Variants in DMD observed in about 807,000 individuals in gnomAD.
The protein encoded by DMD is mutant dystrophin.
DMD carries 63 observed loss-of-function variants against 330.1 expected under a neutral mutation model. The ratio of observed to expected loss-of-function variants is 0.19; its 90% CI spans 0.16 to 0.24. The LOEUF (loss-of-function observed/expected upper bound fraction) is 0.24, where lower values mean the gene tolerates loss of function less well. Among genes scored for constraint, DMD ranks in the 10% least tolerant of loss-of-function variants. DMD has a pLI of 1.00. For synonymous variants in DMD, 1,223 were observed against 959.8 expected, an observed-to-expected ratio of 1.27 and a Z score of -5.07; for missense variants, 3,344 against 2,684.1, an observed-to-expected ratio of 1.25 and a Z score of -5.43.
intron 11 of DMD, among the ~76,000 whole-genome samples, chrX:32,625,271 G>A (rs770270769): frequency 2.2e-3 from 251 of 112,097 alleles, no homozygotes; most frequent in Non-Finnish European, 3.7e-3. Flanking sequence ...TGCACTATAG[G>A]TATACATATA....
chrX:31,251,013 C>T (rs1429963377), intron 63 of DMD, among the ~76,000 whole-genome samples: 1 of 109,144 alleles, frequency 9.2e-6, no homozygotes, highest in East Asian at 2.9e-4. Flanking sequence ...ACCCGGGAGG[C>T]AGAGTTTGCA....
chrX:31,337,031 C>T (rs1285209297), intron 61 of DMD, among the ~76,000 whole-genome samples: 1 of 107,537 alleles, frequency 9.3e-6, no homozygotes, highest in East Asian at 2.9e-4. Context: ...TCAAGCGATT[C>T]TCCTGCCTCA....
chrX:33,106,520 C>G (rs1418554019), intron 1 of DMD, among the ~76,000 whole-genome samples: 1 of 112,176 alleles, frequency 8.9e-6, no homozygotes, highest in Non-Finnish European at 1.9e-5. Context: ...ACATTAAGGG[C>G]ATATTGAATA....
intron 60 of DMD, among the ~76,000 whole-genome samples, chrX:31,428,510 T>C (rs2063836680): frequency 9.0e-6 from 1 of 111,689 alleles, no homozygotes; most frequent in South Asian, 3.8e-4. Flanking sequence ...GTGATGCAAA[T>C]GGAATTAACA....
intron 9 of DMD, 23 bp from the exon 10 acceptor site, chrX:32,645,175 T>G (rs201740195): frequency 8.3e-7 from 1 of 1,197,918 alleles, no homozygotes; most frequent in African/African-American, 1.8e-5. Flanking sequence ...ATAAATTGGG[T>G]GTTACACAAT....
At chrX:31,214,557 T>C (rs1202593562) in intron 64 of DMD, among the ~76,000 whole-genome samples, 1 of 112,022 alleles carries the variant, frequency 8.9e-6, no homozygotes, top group Non-Finnish European at 1.9e-5. Flanking sequence ...CGGCCTACAG[T>C]TGGGCAAAAC....
chrX:32,741,031 A>G (rs1467025531), intron 7 of DMD, among the ~76,000 whole-genome samples: 2 of 111,769 alleles, frequency 1.8e-5, no homozygotes, highest in African/African-American at 6.5e-5. Context: ...ACGTTTGTTT[A>G]AACAAGTTAG....
chrX:32,658,556 G>C (rs67268158), intron 9 of DMD, among the ~76,000 whole-genome samples: 11,378 of 110,786 alleles, frequency 0.1, 1,399 homozygotes, highest in African/African-American at 0.35. Context: ...TCAGGCCATA[G>C]ATTGCTATCT....
At chrX:31,848,038 T>C (rs1214645781) in intron 48 of DMD, among the ~76,000 whole-genome samples, 1 of 111,825 alleles carries the variant, frequency 8.9e-6, no homozygotes. Flanking sequence ...CTGTTGTGTA[T>C]ACTGTGTGTG....
At chrX:32,779,648 T>C (rs1349089589) in intron 7 of DMD, among the ~76,000 whole-genome samples, 1 of 98,606 alleles carries the variant, frequency 1.0e-5, no homozygotes, top group Non-Finnish European at 2.0e-5. Flanking sequence ...GCTTCATCCA[T>C]GTCCCTACAA....
chrX:31,435,477 C>T (rs2064449497), intron 60 of DMD: 1 of 111,661 alleles, frequency 9.0e-6, no homozygotes, highest in African/African-American at 3.2e-5. Context: ...ATATTAAGGA[C>T]ATTATAGCAT....
At position 31,968,526 on chromosome X, in the gene DMD, C is replaced by G; in HGVS notation, c.6439-12G>C. On this transcript the variant is annotated splice_polypyrimidine_tract_variant and intron_variant, in intron 44 of 78. Coordinates refer to ENST00000357033, the MANE Select transcript of DMD (RefSeq NM_004006.3). ...CCATCCTGGAGTTCCTGTAAGATAC[C>G]AAAAAGGCAAAACAAAAATGAAGCC... is the stretch of plus-strand genomic sequence containing the variant. The G allele has an allele frequency of 8.3e-7, 1 of 1,207,104 alleles. No individual in the cohort carries two copies. The highest frequency in any genetic ancestry group is 1.1e-6 in the Non-Finnish European group (1 of 892,316).
chrX:33,056,243 C>T (rs1232355071), intron 1 of DMD, among the ~76,000 whole-genome samples: 1 of 111,073 alleles, frequency 9.0e-6, no homozygotes, highest in African/African-American at 3.3e-5. Flanking sequence ...CATCAAAGTC[C>T]GCTGGATTCC....
At chrX:31,187,664 A>C (rs6631261) in intron 67 of DMD, among the ~76,000 whole-genome samples, 5,570 of 107,532 alleles carry the variant, frequency 0.052, 176 homozygotes, top group East Asian at 0.17. Flanking sequence ...AAAAGCTGAG[A>C]AGGTCATCAG....
intron 57 of DMD, among the ~76,000 whole-genome samples, chrX:31,493,196 T>C (rs1381636898): frequency 8.9e-6 from 1 of 112,029 alleles, no homozygotes; most frequent in Non-Finnish European, 1.9e-5. Flanking sequence ...TACTGTATAC[T>C]AGGCACTTTG....
chrX:32,092,724 C>CTTTTTTTTTTTTTTT lies in DMD; in HGVS notation c.6438+124177_6438+124191dup, dbSNP rs11315047. On this transcript the variant is annotated intron_variant, in intron 44 of 78. Transcript: ENST00000357033. The stretch of plus-strand genomic sequence containing the variant: ...AAAAATGTTCATCACGTTATTTTCA[C>CTTTTTTTTTTTTTTT]TTTTTTTTTTTTTTTTTTTTTTTTT... 1.3e-4 allele frequency among the ~76,000 whole-genome samples: 5 copies of CTTTTTTTTTTTTTTT among 39,783 alleles called. 1 individual carries two copies. The highest frequency in any genetic ancestry group is 7.6e-4 in the East Asian group (1 of 1,322). 34.5% of individuals were successfully genotyped at this position (39,783 alleles called of 115,157 possible).
intron 2 of DMD, among the ~76,000 whole-genome samples, chrX:32,890,164 C>G (rs2085059756): frequency 9.0e-6 from 1 of 111,082 alleles, no homozygotes; most frequent in Non-Finnish European, 1.9e-5. Context: ...CATCTTGAGA[C>G]AAGAGCTCAG....
chrX:31,154,001 G>A (rs1407226119), intron 74 of DMD, among the ~76,000 whole-genome samples: 4 of 112,223 alleles, frequency 3.6e-5, no homozygotes, highest in African/African-American at 1.3e-4. Context: ...ATGCTGGAGG[G>A]TTTGAACTAG....
intron 37 of DMD, among the ~76,000 whole-genome samples, chrX:32,349,962 G>A (rs776305985): frequency 1.2e-3 from 134 of 111,254 alleles, no homozygotes; most frequent in Middle Eastern, 4.8e-3. Flanking sequence ...GACGGTAAAA[G>A]TAAAAAGATT....
Sources: gnomAD v4.1 joint callset for allele counts (sites outside exome capture counted in the v4.1 genomes callset) on GRCh38, gnomAD v4.1.1 for gene constraint, MANE v1.5 for transcripts, NCBI Gene and HGNC (gene_info 2026-07-23, HGNC 2026-07-21) for gene names.